Variants in MEOX2 observed in about 807,000 individuals in gnomAD.
MEOX2 encodes homeobox protein MOX-2.
A neutral mutation model predicts 27.0 loss-of-function variants in MEOX2; 11 were observed. That is an observed-to-expected ratio of 0.41 (90% CI 0.26 to 0.68). MEOX2 has a LOEUF of 0.68. Among genes scored for constraint, MEOX2 ranks in the 30% least tolerant of loss-of-function variants. The probability of loss-of-function intolerance (pLI) is 0.33; values close to 1 mark genes in which losing one functional copy is unlikely to be tolerated. For missense variants in MEOX2, 436 were observed against 385.4 expected, an observed-to-expected ratio of 1.13 and a Z score of -1.10; for synonymous variants, 189 against 155.4, an observed-to-expected ratio of 1.22 and a Z score of -1.61.
At chr7:15,667,857 A>C (rs1036481788) in intron 1 of MEOX2, 1 of 152,230 alleles carries the variant, frequency 6.6e-6, no homozygotes, top group African/African-American at 2.4e-5. Flanking sequence ...ACCTGAGAAT[A>C]GCTCAGCTAC....
At chr7:15,662,983 A>G (rs1462453385) in intron 1 of MEOX2, among the ~76,000 whole-genome samples, 1 of 152,136 alleles carries the variant, frequency 6.6e-6, no homozygotes, top group Non-Finnish European at 1.5e-5. Flanking sequence ...AGGCCTCCAT[A>G]CCATTTTATC....
chr7:15,613,169 T>C (rs1781060372), intron 2 of MEOX2, among the ~76,000 whole-genome samples: 1 of 152,226 alleles, frequency 6.6e-6, no homozygotes, highest in South Asian at 2.1e-4. Flanking sequence ...TTTTATTTTC[T>C]ACCTTAATTC....
chr7:15,619,628 A>G (rs538262908), intron 2 of MEOX2, among the ~76,000 whole-genome samples: 1 of 152,136 alleles, frequency 6.6e-6, no homozygotes, highest in African/African-American at 2.4e-5. Context: ...ACATACACAC[A>G]TATACACAGA....
At chr7:15,646,036 A>C (rs1480775022) in intron 1 of MEOX2, among the ~76,000 whole-genome samples, 1 of 152,122 alleles carries the variant, frequency 6.6e-6, no homozygotes, top group Non-Finnish European at 1.5e-5. Context: ...GTTAGTAGCC[A>C]CACAATAAAT....
intron 1 of MEOX2, among the ~76,000 whole-genome samples, chr7:15,631,741 T>C (rs550443679): frequency 6.6e-6 from 1 of 151,776 alleles, no homozygotes; most frequent in Non-Finnish European, 1.5e-5. Context: ...TACAAAGCAA[T>C]GATATAAATG....
chr7:15,622,307 G>A (rs540722444), intron 2 of MEOX2, among the ~76,000 whole-genome samples: 2 of 152,066 alleles, frequency 1.3e-5, no homozygotes, highest in Non-Finnish European at 2.9e-5. Context: ...TTGCATATGT[G>A]TATATTTACA....
In MEOX2 at chr7:15,686,017, G is replaced by C. The variant is rs1230593339; in HGVS notation, c.386C>G (p.Ser129Cys). ...ELGSSPPVLC[S>C]NSSSLGSSTP... ...GCTGGAGCCCAAGCTGGAAGAGTTGGAGCACAGGACGGGCGGGCTGCTCCC... is the reference window on the plus strand; with the variant it reads ...GCTGGAGCCCAAGCTGGAAGAGTTGCAGCACAGGACGGGCGGGCTGCTCCC... The change falls in exon 1 of 3, where the codon TCC becomes TGC. Residue 129 changes from serine to cysteine, a missense_variant. By Grantham distance (112) the Ser-to-Cys change is moderately radical. Coordinates refer to ENST00000262041, the MANE Select transcript of MEOX2 (RefSeq NM_005924.5). 1.9e-6 allele frequency: 3 copies of C among 1,608,000 alleles called. No homozygotes were observed. Among genetic ancestry groups the C allele is most frequent in the African/African-American group, 1.3e-5 (1 of 74,930 alleles).
intron 1 of MEOX2, among the ~76,000 whole-genome samples, chr7:15,651,643 G>C (rs1467858833): frequency 2.0e-5 from 3 of 151,944 alleles, no homozygotes; most frequent in Admixed American, 2.0e-4. Context: ...GCCAGCAAAG[G>C]CGGGGATTTA....
At chr7:15,656,150 T>C (rs1166458421) in intron 1 of MEOX2, among the ~76,000 whole-genome samples, 1 of 151,798 alleles carries the variant, frequency 6.6e-6, no homozygotes, top group Non-Finnish European at 1.5e-5. Context: ...TATCTCATAT[T>C]AATATACCCA....
At chr7:15,648,485 A>T (rs1044100223) in intron 1 of MEOX2, among the ~76,000 whole-genome samples, 2 of 152,130 alleles carry the variant, frequency 1.3e-5, no homozygotes, top group African/African-American at 4.8e-5. Flanking sequence ...TGGAAACTGT[A>T]TAATCACTGC....
At chr7:15,668,486 G>GT (rs942316402) in intron 1 of MEOX2, among the ~76,000 whole-genome samples, 7 of 151,332 alleles carry the variant, frequency 4.6e-5, no homozygotes, top group South Asian at 2.1e-4. Context: ...TTTTGTTTTT[G>GT]TTTTTTTTCT....
Position 15,629,426 on chromosome 7 carries a change from A to G in MEOX2, c.518-2508T>C, listed in dbSNP as rs572810588. ...TTTAAATCCATAAATTATTTACTGAATGCTTGAATACCAAACCAAAAATTG... is the reference window on the plus strand; with the variant it reads ...TTTAAATCCATAAATTATTTACTGAGTGCTTGAATACCAAACCAAAAATTG... On this transcript the variant is annotated intron_variant, in intron 1 of 2. Transcript: ENST00000262041. Among the ~76,000 whole-genome samples, 5 of 152,246 alleles carry G rather than the reference A, an allele frequency of 3.3e-5. No individual in the cohort carries two copies. In the East Asian group the frequency reaches 9.7e-4, roughly 29 times the overall value.
intron 1 of MEOX2, among the ~76,000 whole-genome samples, chr7:15,683,728 T>G (rs1782329815): frequency 6.6e-6 from 1 of 152,122 alleles, no homozygotes; most frequent in African/African-American, 2.4e-5. Flanking sequence ...AAACAGAAAC[T>G]ATTGTGATTT....
At chr7:15,675,583 ATTACT>A (rs1301585401) in intron 1 of MEOX2, among the ~76,000 whole-genome samples, 2 of 152,236 alleles carry the variant, frequency 1.3e-5, no homozygotes, top group East Asian at 3.8e-4. Context: ...ATGGACAGAC[ATTACT>A]TAACTTCTCT....
At chr7:15,615,782 A>C (rs997186695) in intron 2 of MEOX2, among the ~76,000 whole-genome samples, 2 of 152,214 alleles carry the variant, frequency 1.3e-5, no homozygotes, top group South Asian at 4.1e-4. Flanking sequence ...GATGGAAGAA[A>C]TACATATGTC....
At chr7:15,639,251 T>A (rs1367494544) in intron 1 of MEOX2, among the ~76,000 whole-genome samples, 1 of 152,182 alleles carries the variant, frequency 6.6e-6, no homozygotes, top group Non-Finnish European at 1.5e-5. Context: ...TGTTTTCATA[T>A]GTTTATTAGC....
At chr7:15,624,701 A>G (rs1475243604) in intron 2 of MEOX2, among the ~76,000 whole-genome samples, 1 of 152,156 alleles carries the variant, frequency 6.6e-6, no homozygotes, top group East Asian at 1.9e-4. Flanking sequence ...ATTACTGTCC[A>G]ACTAAGCCCA....
chr7:15,612,753 T>C (rs1781052848), intron 2 of MEOX2, 142 bp from the exon 3 acceptor site: 3 of 654,650 alleles, frequency 4.6e-6, no homozygotes, highest in South Asian at 2.0e-5. Flanking sequence ...GAAAAATAAA[T>C]CCACGTTGAA....
chr7:15,656,420 T>C (rs1466027689), intron 1 of MEOX2, among the ~76,000 whole-genome samples: 1 of 151,628 alleles, frequency 6.6e-6, no homozygotes, highest in Non-Finnish European at 1.5e-5. Context: ...ATTGTTTCCT[T>C]GGTTTTTCAT....
Sources: allele counts gnomAD v4.1 joint callset (sites outside exome capture counted in the v4.1 genomes callset), GRCh38; gene constraint gnomAD v4.1.1; transcripts MANE v1.5; gene names NCBI Gene and HGNC (gene_info 2026-07-23, HGNC 2026-07-21).